The following VPS33B variants were observed in gnomAD, a reference collection of about 807,000 sequenced individuals.
VPS33B encodes VPS33B late endosome and lysosome associated.
VPS33B carries 80 observed loss-of-function variants against 95.3 expected under a neutral mutation model. The observed-to-expected ratio is 0.84, with a 90% CI of 0.70 to 1.01. The LOEUF is 1.01. VPS33B is among the 50% of genes least tolerant of loss of function. The pLI is 0.00. For synonymous variants in VPS33B, 280 were observed against 280.4 expected (o/e 1.00, Z 0.01); for missense variants, 715 against 773.4 (o/e 0.92, Z 0.90).
chr15:91,000,643 C>A lies in VPS33B; in HGVS notation c.1480-52G>T. 6.5e-7 allele frequency: 1 copy of A among 1,533,080 alleles called. No individual in the cohort carries two copies. Among genetic ancestry groups the A allele is most frequent in the Admixed American group, 1.7e-5 (1 of 58,710 alleles). 95.0% of individuals were successfully genotyped at this position (1,533,080 alleles called of 1,614,324 possible). A position where few individuals can be genotyped will look rare whatever the true frequency, so the allele number is the denominator to read the frequency against. On this transcript the variant is annotated intron_variant, in intron 19 of 22. Coordinates refer to ENST00000333371, the MANE Select transcript of VPS33B (RefSeq NM_018668.5). The surrounding 1 kb of genome is among the most constrained non-coding windows in gnomAD (Gnocchi z 4.9). ...CAAGTGACAGCTCAGCTCCCTAACC[C>A]TTTAAAGGGTCAGATAAAGTGGCAT...
Position 91,017,326 on chromosome 15 carries a change from C to G in VPS33B, c.178-302G>C, listed in dbSNP as rs2040957365. Among the ~76,000 whole-genome samples, 3 of 112,076 alleles carry G rather than the reference C, an allele frequency of 2.7e-5. No homozygotes were observed. The South Asian group carries it at 9.0e-4, about 33-fold the overall frequency. The allele number at this position is 112,076 out of a possible 152,430, so 73.5% of individuals were successfully genotyped here. On this transcript the variant is annotated intron_variant, in intron 2 of 22. Coordinates refer to ENST00000333371, the MANE Select transcript of VPS33B (RefSeq NM_018668.5). ...TCACTTGAACCCAGGAGTTTGAGAT[C>G]AGCCTGGGTAACATAACAAGACTCC...
chr15:91,004,918 T>G lies in VPS33B; in HGVS notation c.1184A>C (p.Glu395Ala). ...CAAAAGGCACATGAGGCGCAGGCTT[T>G]CTATAGGCGACACCTGCATAGGAAG... Reference protein sequence around the residue: ...EHIDRQVSPIESLRLMCLLSI... With the variant: ...EHIDRQVSPIASLRLMCLLSI... The change falls in exon 16 of 23, where the codon GAA becomes GCA. Residue 395 changes from glutamate (E) to alanine (A), a missense_variant. Transcript: ENST00000333371. 6.2e-7 allele frequency: 1 copy of G among 1,614,226 alleles called. No homozygotes were observed. Among genetic ancestry groups the G allele is most frequent in the Non-Finnish European group, 8.5e-7 (1 of 1,180,040 alleles).
Position 90,999,665 on chromosome 15 carries a change from GCT to G in VPS33B, c.1774+10_1774+11del, listed in dbSNP as rs2040376804. The G allele has an allele frequency of 1.2e-6, 2 of 1,612,834 alleles. No individual in the cohort carries two copies. Among genetic ancestry groups the G allele is most frequent in the Admixed American group, 1.7e-5 (1 of 59,968 alleles). On this transcript the variant is annotated intron_variant, in intron 22 of 22. Transcript: ENST00000333371. This position sits in a 1 kb window ranked among gnomAD's most constrained non-coding sequence, Gnocchi z 5.1. ...AATGCAGGCCAATTCTCACCTTTCT[GCT>G]CTCTCTTACCTTTCTCTCTGCCCAG...
Position 91,002,947 on chromosome 15 carries a change from T to C in VPS33B, c.1272+138A>G. The C allele has an allele frequency of 1.1e-6, 1 of 927,292 alleles. No individual in the cohort carries two copies. The highest frequency in any genetic ancestry group is 2.4e-5 in the East Asian group (1 of 41,632). The allele number at this position is 927,292 out of a possible 1,614,324, so 57.4% of individuals were successfully genotyped here. On this transcript the variant is annotated intron_variant, in intron 17 of 22. Transcript: ENST00000333371. The surrounding 1 kb of genome is among the most constrained non-coding windows in gnomAD (Gnocchi z 4.7). ...CGTGCTGAAAGGTGACTCTCCCTAGTAGCTCTAAGAGGGAGGCCTGAATGG... is the reference window on the plus strand; with the variant it reads ...CGTGCTGAAAGGTGACTCTCCCTAGCAGCTCTAAGAGGGAGGCCTGAATGG...
Position 91,018,416 on chromosome 15 carries a change from C to T in VPS33B, c.97-531G>A, listed in dbSNP as rs771512093. 2.6e-5 allele frequency among the ~76,000 whole-genome samples: 4 copies of T among 152,136 alleles called. No homozygotes were observed. The highest frequency in any genetic ancestry group is 2.1e-4 in the South Asian group (1 of 4,826). On this transcript the variant is annotated intron_variant, in intron 1 of 22. Coordinates refer to ENST00000333371, the MANE Select transcript of VPS33B (RefSeq NM_018668.5). The surrounding 1 kb of genome is among the most constrained non-coding windows in gnomAD (Gnocchi z 4.7). The stretch of plus-strand genomic sequence containing the variant: ...ATTCCTGCACCACCACTCCTGACAC[C>T]GATCTCAATGTCTGTTCAGAGGAAG...
chr15:90,998,787 A>T lies in VPS33B; in HGVS notation c.*188T>A. Reference sequence around the variant, plus strand: ...GGGTTGTACTTCATAAACAGAAAAGAGAAATATCCTGGGAGCAGGAAGTGA... The same window carrying T: ...GGGTTGTACTTCATAAACAGAAAAGTGAAATATCCTGGGAGCAGGAAGTGA... On this transcript the variant is annotated 3_prime_UTR_variant, in exon 23 of 23. Coordinates refer to ENST00000333371, the MANE Select transcript of VPS33B (RefSeq NM_018668.5). This position sits in a 1 kb window ranked among gnomAD's most constrained non-coding sequence, Gnocchi z 4.8. The T allele has an allele frequency of 1.4e-6, 1 of 702,284 alleles. No homozygotes were observed. Among genetic ancestry groups the T allele is most frequent in the Middle Eastern group, 3.0e-4 (1 of 3,308 alleles). The allele number at this position is 702,284 out of a possible 1,614,324, so 43.5% of individuals were successfully genotyped here. A position where few individuals can be genotyped will look rare whatever the true frequency, so the allele number is the denominator to read the frequency against.
At position 91,000,774 on chromosome 15, in the gene VPS33B, C is replaced by A; in HGVS notation, c.1480-183G>T. ...AGTTTTTGTTCAGTAACTGCCAGTT[C>A]TCTGGAATGAGTTCCCATGCGCCAT... On this transcript the variant is annotated intron_variant, in intron 19 of 22. Coordinates refer to ENST00000333371, the MANE Select transcript of VPS33B (RefSeq NM_018668.5). This position sits in a 1 kb window ranked among gnomAD's most constrained non-coding sequence, Gnocchi z 4.9. 1.7e-6 allele frequency: 1 copy of A among 588,108 alleles called. No homozygotes were observed. Among genetic ancestry groups the A allele is most frequent in the Non-Finnish European group, 3.1e-6 (1 of 321,980 alleles). 36.4% of individuals were successfully genotyped at this position (588,108 alleles called of 1,614,324 possible). A position where few individuals can be genotyped will look rare whatever the true frequency, so the allele number is the denominator to read the frequency against.
In VPS33B at chr15:91,010,799, G is replaced by A. The variant is rs969045946; in HGVS notation, c.358-953C>T. 6.6e-6 allele frequency among the ~76,000 whole-genome samples: 1 copy of A among 152,172 alleles called. No individual in the cohort carries two copies. The highest frequency in any genetic ancestry group is 1.5e-5 in the Non-Finnish European group (1 of 68,030). ...AGGCAGGAAAGGTGAGAGTTGCAAG[G>A]AAGGGTGGGCAACAGTGTCAAATGC... On this transcript the variant is annotated intron_variant, in intron 5 of 22. Coordinates refer to ENST00000333371, the MANE Select transcript of VPS33B (RefSeq NM_018668.5). The surrounding 1 kb of genome is among the most constrained non-coding windows in gnomAD (Gnocchi z 5.7).
intron 1 of VPS33B, 131 bp downstream of exon 1, chr15:91,022,023 G>C: frequency 9.6e-7 from 1 of 1,046,650 alleles, no homozygotes; most frequent in Non-Finnish European, 1.4e-6. Flanking sequence ...ATTCATTCTG[G>C]ACCTGCTGGG....
Position 91,022,203 on chromosome 15 carries a change from G to C in VPS33B, c.47C>G (p.Ser16Cys). 1 of 1,587,938 alleles carries C rather than the reference G, an allele frequency of 6.3e-7. No homozygotes were observed. The highest frequency in any genetic ancestry group is 8.6e-7 in the Non-Finnish European group (1 of 1,165,656). Residue 16 changes from serine (S) to cysteine (C), a missense_variant, in exon 1 of 23, where the codon TCC becomes TGC. Transcript: ENST00000333371. Reference sequence around the variant, plus strand: ...GTCTCGAGCCAGCCTCTTCAGCATGGAGAAGTCAGGCAGCTCAGGGGCGTC... The same window carrying C: ...GTCTCGAGCCAGCCTCTTCAGCATGCAGAAGTCAGGCAGCTCAGGGGCGTC... ...RPDAPELPDF[S>C]MLKRLARDQL... is the part of the protein sequence containing the mutation.
In VPS33B at chr15:91,011,038, G is replaced by A. The variant is rs2040765569; in HGVS notation, c.358-1192C>T. On this transcript the variant is annotated intron_variant, in intron 5 of 22. Transcript: ENST00000333371. The surrounding 1 kb of genome is among the most constrained non-coding windows in gnomAD (Gnocchi z 5.5). ...GACATTGTTTAGAAGGCATAGACAT[G>A]GGTGAAGGCAGAAGAGAAAGTCTAC... 6.6e-6 allele frequency among the ~76,000 whole-genome samples: 1 copy of A among 152,182 alleles called. No individual in the cohort carries two copies.
intron 1 of VPS33B, 68 bp downstream of exon 1, chr15:91,022,086 A>G (rs1156755824): frequency 1.3e-6 from 2 of 1,518,196 alleles, no homozygotes; most frequent in African/African-American, 1.4e-5. Flanking sequence ...GGGGCACGGC[A>G]AGGAAGAAAT....
chr15:91,007,535 G>A lies in VPS33B; in HGVS notation c.537C>T (p.Ala179=). ...DQRWINTVAQ[A]LHLLSTLYGP... Reference sequence around the variant, plus strand: ...CATAGAGAGTGCTGAGAAGGTGTAAGGCCTGAGCTACAGTGTTGATCCAAC... The same window carrying A: ...CATAGAGAGTGCTGAGAAGGTGTAAAGCCTGAGCTACAGTGTTGATCCAAC... The change falls in exon 8 of 23, where the codon GCC becomes GCT. Residue 179 remains alanine (A), a synonymous_variant. Coordinates refer to ENST00000333371, the MANE Select transcript of VPS33B (RefSeq NM_018668.5). This position sits in a 1 kb window ranked among gnomAD's most constrained non-coding sequence, Gnocchi z 5.3. The A allele has an allele frequency of 1.2e-6, 2 of 1,614,202 alleles. No homozygotes were observed. Among genetic ancestry groups the A allele is most frequent in the Non-Finnish European group, 1.7e-6 (2 of 1,180,044 alleles).
rs2040474197 is a variant in VPS33B at position 91,002,641 on chromosome 15, A to T, written c.1272+444T>A. ...CGAGACATCGTCTCGAAATAAAAAA[A>T]AAAAAAAAAAGAAAAGAAATAATTA... On this transcript the variant is annotated intron_variant, in intron 17 of 22. Coordinates refer to ENST00000333371, the MANE Select transcript of VPS33B (RefSeq NM_018668.5). The surrounding 1 kb of genome is among the most constrained non-coding windows in gnomAD (Gnocchi z 4.7). Among the ~76,000 whole-genome samples the T allele has an allele frequency of 6.6e-6, 1 of 151,498 alleles. No individual in the cohort carries two copies.
intron 4 of VPS33B, 139 bp from the exon 5 acceptor site, chr15:91,014,010 G>A: frequency 9.7e-7 from 1 of 1,027,982 alleles, no homozygotes; most frequent in Non-Finnish European, 1.5e-6. Flanking sequence ...CTGAGGTCAG[G>A]AGTTTGCGAC....
Position 91,004,909 on chromosome 15 carries a change from CGCA to C in VPS33B, c.1190_1192del (p.Leu397del). 1 of 1,614,158 alleles carries C rather than the reference CGCA, an allele frequency of 6.2e-7. No individual in the cohort carries two copies. Among genetic ancestry groups the C allele is most frequent in the African/African-American group, 1.3e-5 (1 of 75,028 alleles). ...AGTGATGGACAAAAGGCACATGAGG[CGCA>C]GGCTTTCTATAGGCGACACCTGCAT... is the stretch of plus-strand genomic sequence containing the variant. On this transcript the variant is annotated inframe_deletion, in exon 16 of 23. Transcript: ENST00000333371.
chr15:91,001,349 T>G, intron 19 of VPS33B, 40 bp downstream of exon 19: 1 of 1,378,688 alleles, frequency 7.3e-7, no homozygotes, highest in Non-Finnish European at 1.0e-6. Flanking sequence ...CACAATGGAA[T>G]GAACCCACTG....
At position 90,998,860 on chromosome 15, in the gene VPS33B, C is replaced by G; in HGVS notation, c.*115G>C. On this transcript the variant is annotated 3_prime_UTR_variant, in exon 23 of 23. Transcript: ENST00000333371. This position sits in a 1 kb window ranked among gnomAD's most constrained non-coding sequence, Gnocchi z 4.8. ...TCTAAATCCCAACACGTTCCATGCT[C>G]CCGGCTCTTAGCAGGTAGTTGGTGG... 9.3e-7 allele frequency: 1 copy of G among 1,080,028 alleles called. No homozygotes were observed. 66.9% of individuals were successfully genotyped at this position (1,080,028 alleles called of 1,614,324 possible).
chr15:91,017,365 T>TTAAAAAAAA (rs1555460460), intron 2 of VPS33B, among the ~76,000 whole-genome samples: 5 of 16,994 alleles, frequency 2.9e-4, no homozygotes, highest in South Asian at 3.6e-3. Flanking sequence ...TCTACAAAAT[T>TTAAAAAAAA]AAATATATAT....
Sources: gnomAD v4.1 joint callset for allele counts (sites outside exome capture counted in the v4.1 genomes callset) on GRCh38, gnomAD v4.1.1 for gene constraint, Gnocchi (gnomAD v3.1) non-coding constraint, MANE v1.5 for transcripts, NCBI Gene and HGNC (gene_info 2026-07-23, HGNC 2026-07-21) for gene names.